KANK1: variants seen among roughly 807,000 people sequenced by gnomAD.
KANK1 encodes the protein KN motif and ankyrin repeat domains 1.
Under a neutral mutation model 106.2 loss-of-function variants are expected in KANK1, and 109 were observed. That is an observed-to-expected ratio of 1.03 (90% CI 0.88 to 1.20). The LOEUF is 1.20. Ranked by LOEUF, KANK1 falls within the 50% of genes most tolerant of loss-of-function variation. The pLI is 0.00. For synonymous variants in KANK1, 873 were observed against 652.2 expected, an observed-to-expected ratio of 1.34 and a Z score of -5.16; for missense variants, 2,399 against 1,710.7, an observed-to-expected ratio of 1.40 and a Z score of -7.10.
intron 1 of KANK1, among the ~76,000 whole-genome samples, chr9:581,281 G>A (rs1418506347): frequency 1.3e-5 from 2 of 152,226 alleles, no homozygotes; most frequent in African/African-American, 4.8e-5. Flanking sequence ...GCCGAGAGCA[G>A]GCAAGGGCTG....
At chr9:663,540 C>T (rs1017420031) in intron 1 of KANK1, among the ~76,000 whole-genome samples, 1 of 152,226 alleles carries the variant, frequency 6.6e-6, no homozygotes, top group African/African-American at 2.4e-5. Flanking sequence ...AAAGTTTAAT[C>T]ATTCTGATTT....
intron 3 of KANK1, among the ~76,000 whole-genome samples, chr9:721,203 C>T (rs1182206435): frequency 6.6e-6 from 1 of 152,136 alleles, no homozygotes; most frequent in East Asian, 1.9e-4. Flanking sequence ...ATACCTTGTC[C>T]TTTACAGGGT....
intron 1 of KANK1, among the ~76,000 whole-genome samples, chr9:512,249 G>GTGTGTGTGTGTGTATA (rs370159663): frequency 0.021 from 3,176 of 149,586 alleles, 47 homozygotes; most frequent in African/African-American, 0.046. Context: ...GTGTGTGTGT[G>GTGTGTGTGTGTGTATA]TATGTATATA....
Position 744,492 on chromosome 9 carries a change from A to T in KANK1, c.3899A>T (p.Asp1300Val). ...TTGTTCTTTCCATCTTATCTTAAGG[A>T]TGGCAGCACTGCGCTCTCAATCGCC... The part of the protein sequence containing the change: ...PGCNGHLEDN[D>V]GSTALSIALE... The change falls in exon 11 of 12, where the codon GAT (aspartate) becomes GTT (valine). Residue 1300 changes from aspartate to valine, a missense_variant and splice_region_variant. Coordinates refer to ENST00000382297, the MANE Select transcript of KANK1 (RefSeq NM_015158.5). The T allele has an allele frequency of 6.2e-7, 1 of 1,611,704 alleles. No homozygotes were observed. The highest frequency in any genetic ancestry group is 8.5e-7 in the Non-Finnish European group (1 of 1,178,294).
intron 1 of KANK1, among the ~76,000 whole-genome samples, chr9:581,723 C>G (rs927521489): frequency 6.6e-6 from 1 of 152,066 alleles, no homozygotes; most frequent in African/African-American, 2.4e-5. Flanking sequence ...AGAGTTGTGC[C>G]AAGGTTCCAG....
At chr9:536,565 G>A (rs1237695289) in intron 1 of KANK1, among the ~76,000 whole-genome samples, 1 of 152,092 alleles carries the variant, frequency 6.6e-6, no homozygotes, top group East Asian at 1.9e-4. Flanking sequence ...GGCAAATTTA[G>A]TCCCTTTTAC....
rs575971610 is a variant in KANK1, at chr9:722,073, C to A, written c.2699-7978C>A. Among the ~76,000 whole-genome samples the A allele has an allele frequency of 6.6e-5, 10 of 152,330 alleles. No individual in the cohort carries two copies. The South Asian group carries it at 2.1e-3, about 32-fold the overall frequency. On this transcript the variant is annotated intron_variant, in intron 3 of 11. Transcript: ENST00000382297. The stretch of plus-strand genomic sequence containing the variant: ...ACCTGACATAGCTGACTCCGTCTTA[C>A]TTCTGACCTCCAAGCTGTCCTTGTT...
At chr9:723,527 A>C (rs1260702970) in intron 3 of KANK1, among the ~76,000 whole-genome samples, 1 of 152,154 alleles carries the variant, frequency 6.6e-6, no homozygotes, top group South Asian at 2.1e-4. Context: ...CCAAAGGCCA[A>C]GGTGGGAGGA....
rs532944834 is a variant in KANK1 at position 574,026 on chromosome 9, A to G, written c.-84+69272A>G. Among the ~76,000 whole-genome samples, 3 of 152,346 alleles carry G rather than the reference A, an allele frequency of 2.0e-5. No individual in the cohort carries two copies. In the South Asian group the frequency reaches 6.2e-4, roughly 32 times the overall value. On this transcript the variant is annotated intron_variant, in intron 1 of 11. Transcript: ENST00000382297. The stretch of plus-strand genomic sequence containing the variant: ...CATCCGCCGCAGCTCTGTGCTTCCA[A>G]GAAGTTTGCCAGGGTAACCTGGATT...
At position 712,759 on chromosome 9, in the gene KANK1, G is replaced by T. The variant is rs749975737; in HGVS notation, c.1993G>T (p.Val665Leu). 1 of 1,613,924 alleles carries T rather than the reference G, an allele frequency of 6.2e-7. No homozygotes were observed. The highest frequency in any genetic ancestry group is 1.1e-5 in the South Asian group (1 of 91,014). ...CCAGGTGGAAGCTGCCGTCATGGCAGTGCCTCGTACTGCAGACCAGGACAC... is the reference window on the plus strand; with the variant it reads ...CCAGGTGGAAGCTGCCGTCATGGCATTGCCTCGTACTGCAGACCAGGACAC... ...VSQVEAAVMA[V>L]PRTADQDTST... Residue 665 changes from valine (V) to leucine (L), a missense_variant, in exon 3 of 12, where the codon GTG becomes TTG. By Grantham distance (32) the Val-to-Leu change is conservative (BLOSUM62 1). Transcript: ENST00000382297.
At chr9:496,201 C>A (rs549850614) in intron 3 of KANK1, among the ~76,000 whole-genome samples, 58 of 152,304 alleles carry the variant, frequency 3.8e-4, no homozygotes, top group Non-Finnish European at 7.5e-4. Context: ...TCAGAGAACA[C>A]ACTTAACTAC....
intron 1 of KANK1, among the ~76,000 whole-genome samples, chr9:545,413 A>C (rs900096661): frequency 6.6e-6 from 1 of 152,202 alleles, no homozygotes; most frequent in Admixed American, 6.5e-5. Context: ...GAGTTCTGGG[A>C]GTCTTTCCCA....
At chr9:653,510 C>G (rs1588603241) in intron 1 of KANK1, among the ~76,000 whole-genome samples, 1 of 152,116 alleles carries the variant, frequency 6.6e-6, no homozygotes, top group East Asian at 1.9e-4. Context: ...AGGTTATTGA[C>G]TTTCCTTGGG....
chr9:562,253 C>A (rs1460284540), intron 1 of KANK1, among the ~76,000 whole-genome samples: 1 of 151,150 alleles, frequency 6.6e-6, no homozygotes, highest in Non-Finnish European at 1.5e-5. Context: ...GGGGTTTCAC[C>A]TTGTTAGCCA....
intron 1 of KANK1, among the ~76,000 whole-genome samples, chr9:524,871 CTACAGGCTTCTGTTTGATTG>C: frequency 6.6e-6 from 1 of 151,370 alleles, no homozygotes; most frequent in East Asian, 1.9e-4. Flanking sequence ...TGCTGTCTCT[CTACAGGCTTCTGTTTGATTG>C]AATTTCATTT....
chr9:631,411 C>T (rs1346735866), intron 1 of KANK1, among the ~76,000 whole-genome samples: 1 of 152,136 alleles, frequency 6.6e-6, no homozygotes, highest in African/African-American at 2.4e-5. Context: ...CTTTCATCTC[C>T]TTGAGGACCA....
intron 2 of KANK1, among the ~76,000 whole-genome samples, chr9:679,735 T>C (rs1005338061): frequency 5.9e-5 from 9 of 152,210 alleles, no homozygotes; most frequent in African/African-American, 2.2e-4. Flanking sequence ...ATGTGTGTTG[T>C]ATTGTCTGAA....
chr9:546,081 G>A (rs1475121761), intron 1 of KANK1, among the ~76,000 whole-genome samples: 2 of 152,124 alleles, frequency 1.3e-5, no homozygotes, highest in Non-Finnish European at 2.9e-5. Context: ...GAAAATGTGT[G>A]CCTTTCTGGA....
intron 1 of KANK1, among the ~76,000 whole-genome samples, chr9:527,256 C>T (rs986919640): frequency 2.6e-5 from 4 of 151,578 alleles, no homozygotes; most frequent in African/African-American, 9.8e-5. Flanking sequence ...TATCCTCCTC[C>T]TTTGTGGTTT....
Sources: gnomAD v4.1 joint callset for allele counts (sites outside exome capture counted in the v4.1 genomes callset) on GRCh38, gnomAD v4.1.1 for gene constraint, MANE v1.5 for transcripts, NCBI Gene and HGNC (gene_info 2026-07-23, HGNC 2026-07-21) for gene names.